Variants in PLPP2 observed in about 807,000 individuals in gnomAD.
PLPP2 encodes the protein phospholipid phosphatase 2, also known as PAP2-gamma.
Under a neutral mutation model 35.2 loss-of-function variants are expected in PLPP2, and 29 were observed. The ratio of observed to expected loss-of-function variants is 0.82; its 90% CI spans 0.61 to 1.12. The LOEUF (loss-of-function observed/expected upper bound fraction) is 1.12, where lower values mean the gene tolerates loss of function less well. PLPP2 is among the 50% of genes most tolerant of loss of function. The pLI, the probability that PLPP2 is intolerant of heterozygous loss-of-function variation, is 0.00. For synonymous variants in PLPP2, 162 were observed against 167.0 expected (o/e 0.97, Z 0.23); for missense variants, 353 against 375.2 (o/e 0.94, Z 0.49).
rs1274569894 is a variant in PLPP2 at position 290,371 on chromosome 19, A to G, written c.52+914T>C. Among the ~76,000 whole-genome samples the G allele has an allele frequency of 2.6e-5, 4 of 152,238 alleles. No individual in the cohort carries two copies. In the South Asian group the frequency reaches 8.3e-4, roughly 31 times the overall value. ...AAGTGCCACCTAAATGTTTACATAA[A>G]TAACACCATAGGTGCTCAGGAAATG... On this transcript the variant is annotated intron_variant, in intron 1 of 5. Transcript: ENST00000434325.
At position 287,637 on chromosome 19, in the gene PLPP2, C is replaced by T; in HGVS notation, c.319G>A (p.Ala107Thr). ...AGGTCTGTCAGAGACTGGCTCACGG[C>T]AGCCCCAAACAGGAAGGTCCCCAGC... The part of the protein sequence containing the change: ...KVLGTFLFGA[A>T]VSQSLTDLAK... Residue 107 changes from alanine to threonine, a missense_variant, in exon 3 of 6, where the codon GCC (alanine) becomes ACC (threonine). Ala to Thr is a moderately conservative substitution (Grantham distance 58, BLOSUM62 0). Transcript: ENST00000434325. The surrounding 1 kb of genome is among the most constrained non-coding windows in gnomAD (Gnocchi z 4.3). 1 of 1,613,930 alleles carries T rather than the reference C, an allele frequency of 6.2e-7. No homozygotes were observed. The highest frequency in any genetic ancestry group is 8.5e-7 in the Non-Finnish European group (1 of 1,180,028).
rs1021096130 is a variant in PLPP2 at position 288,359 on chromosome 19, G to A, written c.53-188C>T. 9 of 501,864 alleles carry A rather than the reference G, an allele frequency of 1.8e-5. No homozygotes were observed. In the South Asian group the frequency reaches 3.9e-4, roughly 22 times the overall value. 31.1% of individuals were successfully genotyped at this position (501,864 alleles called of 1,614,324 possible). A position where few individuals can be genotyped will look rare whatever the true frequency, so the allele number is the denominator to read the frequency against. On this transcript the variant is annotated intron_variant, in intron 1 of 5. Coordinates refer to ENST00000434325, the MANE Select transcript of PLPP2 (RefSeq NM_003712.4). ...TCAGACAAACACAAACTCCTCAGGCGCTCTGCCCCTCACATCCTGGCAGCC... is the reference window on the plus strand; with the variant it reads ...TCAGACAAACACAAACTCCTCAGGCACTCTGCCCCTCACATCCTGGCAGCC...
At position 287,705 on chromosome 19, in the gene PLPP2, G is replaced by A; in HGVS notation, c.251C>T (p.Ser84Phe). 6.2e-7 allele frequency: 1 copy of A among 1,613,928 alleles called. No individual in the cohort carries two copies. Among genetic ancestry groups the A allele is most frequent in the Non-Finnish European group, 8.5e-7 (1 of 1,180,032 alleles). Residue 84 changes from serine to phenylalanine, a missense_variant, in exon 3 of 6, where the codon TCT (serine) becomes TTT (phenylalanine). Ser to Phe is a radical substitution (Grantham distance 155). Transcript: ENST00000434325. The surrounding 1 kb of genome is among the most constrained non-coding windows in gnomAD (Gnocchi z 4.3). ...CACGTAGTTGTTGAAGTCCGAGCGA[G>A]AATAGAGCCGGTCTGTGTACACCAG... ...AYLVYTDRLY[S>F]RSDFNNYVAA...
rs143996907 is a variant in PLPP2, at chr19:287,557, G to A, written c.399C>T (p.Pro133=). 1.5e-5 allele frequency: 24 copies of A among 1,613,782 alleles called. No individual in the cohort carries two copies. The highest frequency in any genetic ancestry group is 6.7e-5 in the East Asian group (3 of 44,876). ...CCGAGCAGTTGACCCGGCTCCAGTC[G>A]GGGTCGCAGACGGCTAGGAAGTTGG... ...LRPNFLAVCD[P]DWSRVNCSVY... The change falls in exon 3 of 6, where the codon CCC becomes CCT. Residue 133 remains proline (P), a synonymous_variant. Coordinates refer to ENST00000434325, the MANE Select transcript of PLPP2 (RefSeq NM_003712.4). The surrounding 1 kb of genome is among the most constrained non-coding windows in gnomAD (Gnocchi z 4.3).
In PLPP2 at chr19:288,263, A is replaced by G. The variant is rs1600084505; in HGVS notation, c.53-92T>C. 3.0e-6 allele frequency: 4 copies of G among 1,314,392 alleles called. No homozygotes were observed. The East Asian group carries it at 9.6e-5, about 31-fold the overall frequency. The allele number at this position is 1,314,392 out of a possible 1,614,324, so 81.4% of individuals were successfully genotyped here. A position where few individuals can be genotyped will look rare whatever the true frequency, so the allele number is the denominator to read the frequency against. ...ACCTGCCTTGGCCTGGAGGCCTCCC[A>G]CCTCTACTCTCACCAGACAGCAAGG... is the stretch of plus-strand genomic sequence containing the variant. On this transcript the variant is annotated intron_variant, in intron 1 of 5. Transcript: ENST00000434325.
intron 1 of PLPP2, among the ~76,000 whole-genome samples, chr19:289,977 A>G (rs1391607682): frequency 6.6e-6 from 1 of 152,110 alleles, no homozygotes; most frequent in Non-Finnish European, 1.5e-5. Flanking sequence ...AGCAACTCCA[A>G]CTAGAGACGC....
intron 1 of PLPP2, 64 bp downstream of exon 1, chr19:291,221 C>A: frequency 6.3e-7 from 1 of 1,590,872 alleles, no homozygotes; most frequent in Non-Finnish European, 8.6e-7. Context: ...CAAACTTGCG[C>A]GCAGCCGGGG....
At chr19:291,061 C>T in intron 1 of PLPP2, 2 of 1,299,470 alleles carry the variant, frequency 1.5e-6, no homozygotes, top group African/African-American at 1.5e-5. Flanking sequence ...CTCTCGCGAC[C>T]CCCATCCCCC....
chr19:283,673 C>G (rs1970220359), intron 3 of PLPP2: 2 of 152,244 alleles, frequency 1.3e-5, no homozygotes, highest in Non-Finnish European at 2.9e-5. Context: ...TCAGGAGAGG[C>G]CTGCGAGGGC....
Position 287,940 on chromosome 19 carries a change from ACCC to A in PLPP2, c.204+77_204+79del, listed in dbSNP as rs1038174119. On this transcript the variant is annotated intron_variant, in intron 2 of 5. Transcript: ENST00000434325. This position sits in a 1 kb window ranked among gnomAD's most constrained non-coding sequence, Gnocchi z 4.3. ...CAGACCTCCAGGGCAGGGCTGTGCC[ACCC>A]CCCCATCAGGCCCCCAGGGTAAAGC... 5.9e-6 allele frequency: 9 copies of A among 1,529,902 alleles called. No homozygotes were observed. The highest frequency in any genetic ancestry group is 8.0e-6 in the Non-Finnish European group (9 of 1,128,918). The allele number at this position is 1,529,902 out of a possible 1,614,324, so 94.8% of individuals were successfully genotyped here. A position where few individuals can be genotyped will look rare whatever the true frequency, so the allele number is the denominator to read the frequency against.
intron 5 of PLPP2, 121 bp from the exon 6 acceptor site, chr19:281,658 G>A: frequency 1.1e-6 from 1 of 942,494 alleles, no homozygotes; most frequent in Non-Finnish European, 1.5e-6. Flanking sequence ...GGTGGGAAAT[G>A]AGAGGAGTAG....
At chr19:281,616 GA>G in intron 5 of PLPP2, 79 bp from the exon 6 acceptor site, 1 of 1,310,470 alleles carries the variant, frequency 7.6e-7, no homozygotes, top group Non-Finnish European at 1.0e-6. Flanking sequence ...GGAGGGGGAG[GA>G]ACAGGGTCCC....
Position 291,352 on chromosome 19 carries a change from C to T in PLPP2, c.-16G>A. On this transcript the variant is annotated 5_prime_UTR_variant, in exon 1 of 6. Coordinates refer to ENST00000434325, the MANE Select transcript of PLPP2 (RefSeq NM_003712.4). Reference sequence around the variant, plus strand: ...TCCGCTGCATGGTCCCCGCGACCCCCGACGCCGGTCCCAGCGCGTCCCGTC... The same window carrying T: ...TCCGCTGCATGGTCCCCGCGACCCCTGACGCCGGTCCCAGCGCGTCCCGTC... 1 of 1,587,746 alleles carries T rather than the reference C, an allele frequency of 6.3e-7. No homozygotes were observed. The highest frequency in any genetic ancestry group is 8.6e-7 in the Non-Finnish European group (1 of 1,169,552).
At position 282,200 on chromosome 19, in the gene PLPP2, A is replaced by T. The variant is rs1970186976; in HGVS notation, c.651T>A (p.Asp217Glu). The change falls in exon 5 of 6, where the codon GAT becomes GAA. Residue 217 changes from aspartate to glutamate, a missense_variant. Asp to Glu is a conservative substitution (Grantham distance 45). Transcript: ENST00000434325. ...ALYVGYTRVS[D>E]YKHHWSDVLV... The stretch of plus-strand genomic sequence containing the variant: ...GGACATCGCTCCAGTGGTGTTTGTA[A>T]TCAGACACGCGGGTGTAGCCCACGT... 6.2e-7 allele frequency: 1 copy of T among 1,613,856 alleles called. No individual in the cohort carries two copies. The highest frequency in any genetic ancestry group is 8.5e-7 in the Non-Finnish European group (1 of 1,179,874).
In PLPP2 at chr19:288,331, C is replaced by G. The variant is rs1212440857; in HGVS notation, c.53-160G>C. The G allele has an allele frequency of 1.3e-5, 8 of 617,728 alleles. No homozygotes were observed. In the African/African-American group the frequency reaches 1.3e-4, roughly 10 times the overall value. 38.3% of individuals were successfully genotyped at this position (617,728 alleles called of 1,614,324 possible). A position where few individuals can be genotyped will look rare whatever the true frequency, so the allele number is the denominator to read the frequency against. ...CCCAAATAACACTCCCTTTCGCATC[C>G]CCTCAGACAAACACAAACTCCTCAG... On this transcript the variant is annotated intron_variant, in intron 1 of 5. Transcript: ENST00000434325.
At chr19:282,605 A>C in intron 4 of PLPP2, 147 bp downstream of exon 4, 2 of 914,028 alleles carry the variant, frequency 2.2e-6, no homozygotes, top group East Asian at 2.7e-5. Flanking sequence ...TGGTCAGCCC[A>C]GGGCCTCCCG....
At chr19:289,006 C>T (rs1026757501) in intron 1 of PLPP2, among the ~76,000 whole-genome samples, 1 of 152,216 alleles carries the variant, frequency 6.6e-6, no homozygotes, top group African/African-American at 2.4e-5. Flanking sequence ...CGACCAGCCA[C>T]GTGGTGACCA....
intron 1 of PLPP2, among the ~76,000 whole-genome samples, chr19:290,263 G>C (rs1165758831): frequency 1.3e-5 from 2 of 152,136 alleles, no homozygotes; most frequent in Admixed American, 1.3e-4. Flanking sequence ...GTGACCTCCG[G>C]CAGGTGACTC....
Position 291,286 on chromosome 19 carries a change from G to C in PLPP2, c.51C>G (p.Val17=). The change falls in exon 1 of 6, where the codon GTC becomes GTG. Residue 17 remains valine (V), a splice_region_variant and synonymous_variant. Transcript: ENST00000434325. The part of the protein sequence containing the change: ...FVLLDVLCLL[V]ASLPFAILTL... ...CACCCGGGTCCCCAAGGCTCTTACC[G>C]ACCAGTAAGCACAGCACGTCGAGCA... 6.2e-7 allele frequency: 1 copy of C among 1,600,812 alleles called. No homozygotes were observed. Among genetic ancestry groups the C allele is most frequent in the Non-Finnish European group, 8.5e-7 (1 of 1,174,798 alleles).
Sources: allele counts gnomAD v4.1 joint callset (sites outside exome capture counted in the v4.1 genomes callset), GRCh38; gene constraint gnomAD v4.1.1; non-coding constraint Gnocchi (gnomAD v3.1); transcripts MANE v1.5; gene names NCBI Gene and HGNC (gene_info 2026-07-23, HGNC 2026-07-21).